BRINP3: variants seen among roughly 807,000 people sequenced by gnomAD.
BRINP3 encodes BMP/retinoic acid-inducible neural-specific protein 3.
In BRINP3, 19 loss-of-function variants were observed where a neutral mutation model predicts 71.0. The observed-to-expected ratio is 0.27, with a 90% CI of 0.19 to 0.39. The LOEUF (loss-of-function observed/expected upper bound fraction) is 0.39. Among genes scored for constraint, BRINP3 ranks in the 10% least tolerant of loss-of-function variants. The pLI is 1.00. For missense variants in BRINP3, 959 were observed against 940.8 expected, an observed-to-expected ratio of 1.02 and a Z score of -0.25; for synonymous variants, 380 against 337.7, an observed-to-expected ratio of 1.13 and a Z score of -1.37.
intron 2 of BRINP3, among the ~76,000 whole-genome samples, chr1:190,312,020 G>T (rs1665557489): frequency 2.2e-5 from 2 of 90,672 alleles, no homozygotes; most frequent in Non-Finnish European, 4.5e-5. Flanking sequence ...AAAAATACAT[G>T]ATATTTGAAA....
chr1:190,461,994 ACCT>A (rs1442843010), intron 1 of BRINP3, among the ~76,000 whole-genome samples: 1 of 151,876 alleles, frequency 6.6e-6, no homozygotes, highest in Non-Finnish European at 1.5e-5. Flanking sequence ...AGTCGCTGCA[ACCT>A]CCTCCTCCCA....
chr1:190,319,979 T>A (rs574434437), intron 2 of BRINP3, among the ~76,000 whole-genome samples: 1 of 152,262 alleles, frequency 6.6e-6, no homozygotes, highest in African/African-American at 2.4e-5. Flanking sequence ...GAATATTCTA[T>A]AAGTTTTTTG....
chr1:190,291,659 C>T (rs1388026892), intron 2 of BRINP3, among the ~76,000 whole-genome samples: 1 of 152,064 alleles, frequency 6.6e-6, no homozygotes, highest in East Asian at 1.9e-4. Flanking sequence ...AGTTAACAAA[C>T]TTTGGCAAGG....
chr1:190,143,687 A>G (rs948647944), intron 7 of BRINP3, among the ~76,000 whole-genome samples: 7 of 152,134 alleles, frequency 4.6e-5, no homozygotes, highest in Non-Finnish European at 7.4e-5. Flanking sequence ...CACCCAACAT[A>G]TAAGAATGGT....
At chr1:190,472,256 G>A (rs1466859723) in intron 1 of BRINP3, among the ~76,000 whole-genome samples, 1 of 151,546 alleles carries the variant, frequency 6.6e-6, no homozygotes, top group African/African-American at 2.4e-5. Context: ...CTTACCAGGA[G>A]TACATTAATG....
intron 4 of BRINP3, among the ~76,000 whole-genome samples, chr1:190,237,361 G>T (rs1394124413): frequency 2.0e-5 from 3 of 151,348 alleles, no homozygotes; most frequent in Non-Finnish European, 4.4e-5. Flanking sequence ...ATTAGTAAAT[G>T]TGCTCATACT....
intron 2 of BRINP3, among the ~76,000 whole-genome samples, chr1:190,384,724 T>C (rs1444506999): frequency 1.3e-5 from 2 of 151,896 alleles, no homozygotes; most frequent in Non-Finnish European, 2.9e-5. Flanking sequence ...ATCAAATTAA[T>C]TCACTCAAAA....
At chr1:190,301,952 G>T (rs554136382) in intron 2 of BRINP3, among the ~76,000 whole-genome samples, 15 of 151,800 alleles carry the variant, frequency 9.9e-5, no homozygotes, top group African/African-American at 3.4e-4. Flanking sequence ...TGCTGAAAGT[G>T]TTTTGGTACT....
At chr1:190,266,173 G>C (rs1371717422) in intron 3 of BRINP3, among the ~76,000 whole-genome samples, 1 of 152,170 alleles carries the variant, frequency 6.6e-6, no homozygotes, top group Admixed American at 6.5e-5. Flanking sequence ...CAACCCTTTT[G>C]TTTGGGTAGT....
chr1:190,160,014 G>A (rs577974042), intron 7 of BRINP3, among the ~76,000 whole-genome samples: 118 of 152,034 alleles, frequency 7.8e-4, no homozygotes, highest in African/African-American at 2.6e-3. Context: ...TCTTGTGATA[G>A]TGTCCTATAT....
At chr1:190,125,180 C>T (rs1653983711) in intron 7 of BRINP3, among the ~76,000 whole-genome samples, 1 of 151,914 alleles carries the variant, frequency 6.6e-6, no homozygotes, top group Non-Finnish European at 1.5e-5. Flanking sequence ...AAAGGTCACG[C>T]TGTTCTAAAG....
At chr1:190,329,614 C>A (rs1313197238) in intron 2 of BRINP3, among the ~76,000 whole-genome samples, 6 of 151,588 alleles carry the variant, frequency 4.0e-5, no homozygotes, top group African/African-American at 9.7e-5. Context: ...ATCGAGCTAC[C>A]AATATTATTT....
intron 2 of BRINP3, among the ~76,000 whole-genome samples, chr1:190,357,947 G>A (rs1668846500): frequency 6.6e-6 from 1 of 151,344 alleles, no homozygotes; most frequent in Non-Finnish European, 1.5e-5. Flanking sequence ...TGGGAAAACT[G>A]GCTAGCCATA....
chr1:190,204,930 T>G (rs1253712847), intron 6 of BRINP3, among the ~76,000 whole-genome samples: 1 of 150,730 alleles, frequency 6.6e-6, no homozygotes, highest in South Asian at 2.1e-4. Flanking sequence ...TGCTTCCAAA[T>G]AGAAGAAGAA....
intron 2 of BRINP3, among the ~76,000 whole-genome samples, chr1:190,403,869 T>A (rs1253566422): frequency 6.6e-6 from 1 of 152,212 alleles, no homozygotes; most frequent in Non-Finnish European, 1.5e-5. Context: ...GACAAATGTT[T>A]TCAAGTCAAA....
Position 190,477,648 on chromosome 1 carries a change from A to G in BRINP3, c.-251T>C, listed in dbSNP as rs1331803559. The G allele has an allele frequency of 6.6e-6, 1 of 151,512 alleles. No homozygotes were observed. Among genetic ancestry groups the G allele is most frequent in the African/African-American group, 2.4e-5 (1 of 41,226 alleles). 9.4% of individuals were successfully genotyped at this position (151,512 alleles called of 1,614,324 possible). A position where few individuals can be genotyped will look rare whatever the true frequency, so the allele number is the denominator to read the frequency against. On this transcript the variant is annotated 5_prime_UTR_variant, in exon 1 of 8. Coordinates refer to ENST00000367462, the MANE Select transcript of BRINP3 (RefSeq NM_199051.3). ...CCACGAACCCCCAAGGCAAGAAAGC[A>G]GAATGTGAAAATGCTTTATATGGGG...
At chr1:190,424,753 A>G (rs1451376574) in intron 2 of BRINP3, among the ~76,000 whole-genome samples, 3 of 151,714 alleles carry the variant, frequency 2.0e-5, no homozygotes, top group South Asian at 2.1e-4. Context: ...AGAAGCTCTA[A>G]AAAATACCAC....
At position 190,098,906 on chromosome 1, in the gene BRINP3, C is replaced by G; in HGVS notation, c.1413G>C (p.Gln471His). 6.2e-7 allele frequency: 1 copy of G among 1,614,184 alleles called. No individual in the cohort carries two copies. The change falls in exon 8 of 8, where the codon CAG becomes CAC. Residue 471 changes from glutamine (Q) to histidine (H), a missense_variant. Transcript: ENST00000367462. Reference protein sequence around the residue: ...GTCNTGYMLSQGLCKPEVAES... With the variant: ...GTCNTGYMLSHGLCKPEVAES... The stretch of plus-strand genomic sequence containing the variant: ...CGGCGACTTCAGGCTTGCAGAGCCC[C>G]TGGCTGAGCATGTAGCCGGTGTTGC...
At chr1:190,471,445 A>G (rs1268577867) in intron 1 of BRINP3, among the ~76,000 whole-genome samples, 3 of 151,404 alleles carry the variant, frequency 2.0e-5, no homozygotes, top group Non-Finnish European at 4.5e-5. Flanking sequence ...AAAAATTATG[A>G]ATTATTAACA....
Sources: gnomAD v4.1 joint callset for allele counts (sites outside exome capture counted in the v4.1 genomes callset) on GRCh38, gnomAD v4.1.1 for gene constraint, MANE v1.5 for transcripts, NCBI Gene and HGNC (gene_info 2026-07-23, HGNC 2026-07-21) for gene names.